The following RFT1 variants were observed in gnomAD, a reference collection of about 807,000 sequenced individuals.
The protein encoded by RFT1 is man(5)GlcNAc(2)-PP-dolichol translocation protein RFT1.
RFT1 carries 43 observed loss-of-function variants against 62.2 expected under a neutral mutation model. The ratio of observed to expected loss-of-function variants is 0.69; its 90% confidence interval spans 0.54 to 0.89. The LOEUF (loss-of-function observed/expected upper bound fraction) is 0.89, where lower values mean the gene tolerates loss of function less well. Among genes scored for constraint, RFT1 ranks in the 40% least tolerant of loss-of-function variants. The pLI, the probability that RFT1 is intolerant of heterozygous loss-of-function variation, is 0.00. For missense variants in RFT1, 605 were observed against 649.9 expected (o/e 0.93, Z 0.75); for synonymous variants, 262 against 264.6 (o/e 0.99, Z 0.10).
chr3:53,120,021 G>A lies in RFT1; in HGVS notation c.559C>T (p.Leu187Phe). The change falls in exon 6 of 13, where the codon CTT becomes TTT. Residue 187 changes from leucine (L) to phenylalanine (F), a missense_variant and splice_region_variant. Leu to Phe is a conservative substitution (Grantham distance 22). Coordinates refer to ENST00000296292, the MANE Select transcript of RFT1 (RefSeq NM_052859.4). The part of the protein sequence containing the change: ...WGLYIFSLAQ[L>F]FYTTVLVLCY... ...AGCACCAGAACTGTGGTATAGAAAA[G>A]CTGAGAAAAAAAATAAACTGTTTTA... 6.3e-7 allele frequency: 1 copy of A among 1,586,014 alleles called. No homozygotes were observed. The highest frequency in any genetic ancestry group is 1.2e-5 in the South Asian group (1 of 86,320).
intron 2 of RFT1, among the ~76,000 whole-genome samples, chr3:53,124,271 A>G (rs1005684019): frequency 6.6e-6 from 1 of 152,184 alleles, no homozygotes; most frequent in African/African-American, 2.4e-5. Flanking sequence ...ATCTCAAGAC[A>G]GGCAACAAGG....
Position 53,105,491 on chromosome 3 carries a change from A to G in RFT1, c.957+182T>C, listed in dbSNP as rs2581774. Among the ~76,000 whole-genome samples the G allele has an allele frequency of 0.52, 78,129 of 151,210 alleles. 21,778 individuals are homozygous for G. The highest frequency in any genetic ancestry group is 0.72 in the East Asian group (3,708 of 5,118). ...AGGAAGGGACAGCCAAGAGCAAAGC[A>G]AGAAGGCCACGAAAGAAGAGGTGAG... On this transcript the variant is annotated intron_variant, in intron 9 of 12. Transcript: ENST00000296292.
chr3:53,121,960 G>A (rs1478719051), intron 4 of RFT1, among the ~76,000 whole-genome samples, 160 bp from the exon 5 acceptor site: 1 of 152,160 alleles, frequency 6.6e-6, no homozygotes, highest in East Asian at 1.9e-4. Context: ...CTTGGGTAGG[G>A]TGGTGGGTTC....
chr3:53,129,530 AGGGTTGATT>A (rs2107181013), intron 1 of RFT1, among the ~76,000 whole-genome samples: 1 of 152,250 alleles, frequency 6.6e-6, no homozygotes, highest in African/African-American at 2.4e-5. Context: ...TGTGTGAAGT[AGGGTTGATT>A]GGCTCAAGAG....
At chr3:53,098,333 T>G (rs1317690390) in intron 11 of RFT1, among the ~76,000 whole-genome samples, 1 of 152,124 alleles carries the variant, frequency 6.6e-6, no homozygotes, top group Non-Finnish European at 1.5e-5. Context: ...TGGACTCTAG[T>G]TCTCAGTCAC....
intron 10 of RFT1, among the ~76,000 whole-genome samples, chr3:53,102,440 GA>G (rs1273874259): frequency 6.6e-6 from 1 of 152,200 alleles, no homozygotes; most frequent in East Asian, 1.9e-4. Context: ...ACCTAAGAGA[GA>G]AATGTAAGAA....
rs1355277796 is a variant in RFT1 at position 53,092,069 on chromosome 3, A to T, written c.1460T>A (p.Val487Glu). ...CCAGCCCTGCTCACAGCAGAGGAATACCTGGGGAAAGAAACCATTGTCAGT... is the reference window on the plus strand; with the variant it reads ...CCAGCCCTGCTCACAGCAGAGGAATTCCTGGGGAAAGAAACCATTGTCAGT... ...LSGGVTAVSE[V>E]FLCCEQGWPA... Residue 487 changes from valine to glutamate, a missense_variant and splice_region_variant, in exon 13 of 13, where the codon GTA (valine) becomes GAA (glutamate). Physicochemically the swap from Val to Glu is moderately radical, Grantham distance 121. Coordinates refer to ENST00000296292, the MANE Select transcript of RFT1 (RefSeq NM_052859.4). 2 of 1,614,218 alleles carry T rather than the reference A, an allele frequency of 1.2e-6. No homozygotes were observed. The highest frequency in any genetic ancestry group is 1.7e-5 in the Admixed American group (1 of 60,024).
intron 1 of RFT1, among the ~76,000 whole-genome samples, chr3:53,127,451 C>T (rs1489894514): frequency 6.6e-6 from 1 of 152,142 alleles, no homozygotes; most frequent in East Asian, 1.9e-4. Context: ...CCTGTAATCC[C>T]AGCACTTTGG....
At position 53,092,473 on chromosome 3, in the gene RFT1, G is replaced by A. The variant is rs754157422; in HGVS notation, c.1354C>T (p.Arg452Cys). Residue 452 changes from arginine (R) to cysteine (C), a missense_variant, in exon 12 of 13, where the codon CGC becomes TGC. Arg to Cys is a radical substitution (Grantham distance 180). Coordinates refer to ENST00000296292, the MANE Select transcript of RFT1 (RefSeq NM_052859.4). ...CTGTGGGGGCTCCTTCGGTAGTAGCGGTGGATGAAGCAAAGGCTCTGCGTG... is the reference window on the plus strand; with the variant it reads ...CTGTGGGGGCTCCTTCGGTAGTAGCAGTGGATGAAGCAAAGGCTCTGCGTG... ...RITQSLCFIH[R>C]YYRRSPHRPL... 3.0e-5 allele frequency: 48 copies of A among 1,612,218 alleles called. No homozygotes were observed. Among genetic ancestry groups the A allele is most frequent in the Non-Finnish European group, 3.5e-5 (41 of 1,179,550 alleles).
chr3:53,099,859 T>C (rs1701263810), intron 10 of RFT1, among the ~76,000 whole-genome samples: 1 of 152,058 alleles, frequency 6.6e-6, no homozygotes, highest in South Asian at 2.1e-4. Flanking sequence ...GTGGTGGGCA[T>C]GCCTGTAGTC....
rs2564921 is a variant in RFT1, at chr3:53,091,569, T to C, written c.*334A>G. 161,504 of 315,340 alleles carry C rather than the reference T, an allele frequency of 0.51. 44,253 individuals carry two copies. The highest frequency in any genetic ancestry group is 0.73 in the East Asian group (9,940 of 13,576). The allele number at this position is 315,340 out of a possible 1,614,324, so 19.5% of individuals were successfully genotyped here. A position where few individuals can be genotyped will look rare whatever the true frequency, so the allele number is the denominator to read the frequency against. On this transcript the variant is annotated 3_prime_UTR_variant, in exon 13 of 13. Coordinates refer to ENST00000296292, the MANE Select transcript of RFT1 (RefSeq NM_052859.4). Reference sequence around the variant, plus strand: ...TTATTAACAGTTAACAATTAAGATATAGTTTGTTGGAGCATGTAGCTCCAA... The same window carrying C: ...TTATTAACAGTTAACAATTAAGATACAGTTTGTTGGAGCATGTAGCTCCAA...
chr3:53,113,626 A>C (rs566799856), intron 6 of RFT1, among the ~76,000 whole-genome samples: 2 of 152,256 alleles, frequency 1.3e-5, no homozygotes, highest in Non-Finnish European at 2.9e-5. Context: ...AAAAAGAAAC[A>C]AGTGAAATTA....
downstream of RFT1, among the ~76,000 whole-genome samples, chr3:53,084,100 T>C (rs115811811): frequency 0.013 from 2,004 of 152,376 alleles, 35 homozygotes; most frequent in African/African-American, 0.041. Context: ...TCTCCCTGCA[T>C]GGCCCTGCCG....
intron 6 of RFT1, among the ~76,000 whole-genome samples, chr3:53,117,376 G>A (rs1466697617): frequency 1.3e-5 from 2 of 152,154 alleles, no homozygotes; most frequent in Non-Finnish European, 2.9e-5. Context: ...TGAGGTCTGG[G>A]GAGAGTCCCA....
At chr3:53,120,689 C>T (rs77363643) in intron 5 of RFT1, among the ~76,000 whole-genome samples, 1 of 152,114 alleles carries the variant, frequency 6.6e-6, no homozygotes, top group Non-Finnish European at 1.5e-5. Flanking sequence ...AAGCTCCCTT[C>T]GACCCTCTTT....
At chr3:53,109,450 C>T (rs1258976840) in intron 7 of RFT1, among the ~76,000 whole-genome samples, 1 of 152,218 alleles carries the variant, frequency 6.6e-6, no homozygotes, top group Admixed American at 6.5e-5. Context: ...GTATTCTCAG[C>T]ACCTGGCATA....
At chr3:53,084,109 C>T (rs56362554), downstream of RFT1, among the ~76,000 whole-genome samples, 36 of 152,304 alleles carry the variant, frequency 2.4e-4, no homozygotes, top group African/African-American at 8.4e-4. Context: ...ATGGCCCTGC[C>T]GGGCTCTGGT....
At chr3:53,085,827 A>C (rs1700843462), downstream of RFT1, 1 of 152,264 alleles carries the variant, frequency 6.6e-6, no homozygotes, top group African/African-American at 2.4e-5. Flanking sequence ...CTGCGCTGGA[A>C]CAAGGGCTAA....
chr3:53,092,171 A>G, intron 12 of RFT1, 101 bp from the exon 13 acceptor site: 2 of 1,471,690 alleles, frequency 1.4e-6, no homozygotes, highest in Non-Finnish European at 1.9e-6. Context: ...TCTAAGTCAG[A>G]TAAAAGGCAT....
Sources: allele counts gnomAD v4.1 joint callset (sites outside exome capture counted in the v4.1 genomes callset), GRCh38; gene constraint gnomAD v4.1.1; transcripts MANE v1.5; gene names NCBI Gene and HGNC (gene_info 2026-07-23, HGNC 2026-07-21).